The following ROBO2 variants were observed in gnomAD, a reference collection of about 807,000 sequenced individuals.
ROBO2 encodes roundabout guidance receptor 2.
Under a neutral mutation model 160.8 loss-of-function variants are expected in ROBO2, and 53 were observed. That is an observed-to-expected ratio of 0.33 (90% CI 0.26 to 0.41). The LOEUF (loss-of-function observed/expected upper bound fraction) is 0.41. ROBO2 is among the 10% of genes least tolerant of loss of function. ROBO2 has a pLI of 1.00. For missense variants in ROBO2, 1,577 were observed against 1,722.4 expected, an observed-to-expected ratio of 0.92 and a Z score of 1.49; for synonymous variants, 664 against 611.7, an observed-to-expected ratio of 1.09 and a Z score of -1.26.
chr3:77,445,156 G>C (rs779624952), intron 2 of ROBO2, among the ~76,000 whole-genome samples: 9 of 152,290 alleles, frequency 5.9e-5, no homozygotes, highest in Non-Finnish European at 1.2e-4. Flanking sequence ...TTAAGAAGAT[G>C]AAGACAGGAG....
At chr3:76,129,526 CA>C (rs1457960834) in intron 2 of ROBO2, among the ~76,000 whole-genome samples, 2 of 152,018 alleles carry the variant, frequency 1.3e-5, no homozygotes, top group African/African-American at 4.8e-5. Flanking sequence ...AGTGTTTTCC[CA>C]TATGTAACTC....
At chr3:77,428,135 A>G (rs1439783438) in intron 2 of ROBO2, among the ~76,000 whole-genome samples, 1 of 152,028 alleles carries the variant, frequency 6.6e-6, no homozygotes, top group Non-Finnish European at 1.5e-5. Context: ...TGAAATTTTT[A>G]TGCTTTTTAA....
At chr3:76,287,252 A>G (rs1214649767) in intron 2 of ROBO2, among the ~76,000 whole-genome samples, 1 of 151,740 alleles carries the variant, frequency 6.6e-6, no homozygotes, top group Non-Finnish European at 1.5e-5. Flanking sequence ...GAGAACTCAT[A>G]AGACACATTT....
At chr3:76,024,294 T>C (rs1014450338) in intron 2 of ROBO2, among the ~76,000 whole-genome samples, 11 of 151,640 alleles carry the variant, frequency 7.3e-5, no homozygotes, top group Admixed American at 7.3e-4. Flanking sequence ...ATGAAGGAGA[T>C]GAAATTTGGC....
At position 77,208,225 on chromosome 3, in the gene ROBO2, C is replaced by G. The variant is rs923845694; in HGVS notation, c.388+109885C>G. 8.9e-4 allele frequency among the ~76,000 whole-genome samples: 135 copies of G among 152,142 alleles called. 1 individual carries two copies. Among genetic ancestry groups the G allele is most frequent in the African/African-American group, 3.0e-3 (126 of 41,410 alleles). On this transcript the variant is annotated intron_variant, in intron 2 of 25. Transcript: ENST00000461745. Reference sequence around the variant, plus strand: ...TTAAAAAAGTACCTCACCTGGAACTCAAAGCTCCCTAAGAATTTAAAAGTT... The same window carrying G: ...TTAAAAAAGTACCTCACCTGGAACTGAAAGCTCCCTAAGAATTTAAAAGTT...
At chr3:77,073,993 C>G (rs1475609290) in intron 1 of ROBO2, among the ~76,000 whole-genome samples, 1 of 152,132 alleles carries the variant, frequency 6.6e-6, no homozygotes, top group Non-Finnish European at 1.5e-5. Flanking sequence ...TTTTGATAAA[C>G]ATTTTGGTTA....
rs115721393 is a variant in ROBO2 at position 77,489,075 on chromosome 3, T to C, written c.668-4169T>C. On this transcript the variant is annotated intron_variant, in intron 4 of 25. Transcript: ENST00000461745. ...GTTTAGAGATAATTGTTAGAAAGGG[T>C]GCTATGGAAATTCTCAGAATAATAC... 4.9e-3 allele frequency among the ~76,000 whole-genome samples: 739 copies of C among 152,074 alleles called. 2 individuals are homozygous for C. Among genetic ancestry groups the C allele is most frequent in the African/African-American group, 0.017 (701 of 41,496 alleles).
chr3:76,021,403 T>C (rs759151086), intron 2 of ROBO2, among the ~76,000 whole-genome samples: 4 of 151,808 alleles, frequency 2.6e-5, no homozygotes, highest in Non-Finnish European at 2.9e-5. Context: ...CCCAAACATG[T>C]GTTTTCATTT....
intron 5 of ROBO2, among the ~76,000 whole-genome samples, chr3:77,518,432 C>T (rs1657000837): frequency 6.6e-6 from 1 of 151,494 alleles, no homozygotes; most frequent in South Asian, 2.1e-4. Flanking sequence ...AGATTGTGAG[C>T]ATTTCAATAA....
chr3:77,643,449 A>G (rs1387019622), intron 24 of ROBO2, among the ~76,000 whole-genome samples: 1 of 152,178 alleles, frequency 6.6e-6, no homozygotes, highest in East Asian at 1.9e-4. Flanking sequence ...TCCAACTGTT[A>G]ATCAGTTGAT....
intron 2 of ROBO2, among the ~76,000 whole-genome samples, chr3:76,810,392 T>C (rs1184519938): frequency 1.3e-5 from 2 of 151,942 alleles, no homozygotes; most frequent in Non-Finnish European, 2.9e-5. Context: ...CAATATTGAA[T>C]TCTGGGTGAA....
intron 2 of ROBO2, among the ~76,000 whole-genome samples, chr3:77,214,898 A>G (rs1444553364): frequency 6.6e-6 from 1 of 152,138 alleles, no homozygotes; most frequent in African/African-American, 2.4e-5. Flanking sequence ...AAGAATGTTG[A>G]ATATTGGCCC....
At chr3:76,737,191 C>G (rs374407519) in intron 2 of ROBO2, among the ~76,000 whole-genome samples, 135 of 152,020 alleles carry the variant, frequency 8.9e-4, no homozygotes, top group African/African-American at 3.2e-3. Flanking sequence ...CTAGATAAAA[C>G]TTTTGTATGA....
At chr3:77,558,182 A>C (rs17525412) in intron 9 of ROBO2, 33 bp downstream of exon 10, 2 of 1,557,510 alleles carry the variant, frequency 1.3e-6, no homozygotes, top group African/African-American at 2.7e-5. Flanking sequence ...ATGAATTATC[A>C]TCTACACATA....
intron 2 of ROBO2, among the ~76,000 whole-genome samples, chr3:77,396,172 A>G (rs2075267861): frequency 6.6e-6 from 1 of 151,964 alleles, no homozygotes; most frequent in East Asian, 1.9e-4. Flanking sequence ...CCTGCTTTCT[A>G]GGTTACTATT....
At chr3:77,133,249 G>A (rs932242504) in intron 2 of ROBO2, among the ~76,000 whole-genome samples, 1 of 152,040 alleles carries the variant, frequency 6.6e-6, no homozygotes, top group Non-Finnish European at 1.5e-5. Flanking sequence ...CCATTTTTTT[G>A]TCAGGTAATA....
At chr3:77,328,256 A>C (rs1403371964) in intron 2 of ROBO2, among the ~76,000 whole-genome samples, 2 of 151,732 alleles carry the variant, frequency 1.3e-5, no homozygotes, top group Non-Finnish European at 2.9e-5. Context: ...ACAGTACATT[A>C]CTGTAAGTCC....
intron 2 of ROBO2, among the ~76,000 whole-genome samples, chr3:76,158,330 A>C (rs2072488768): frequency 6.6e-6 from 1 of 152,062 alleles, no homozygotes; most frequent in African/African-American, 2.4e-5. Flanking sequence ...AGAGTCAGGA[A>C]AATCCTCTCT....
In ROBO2 at chr3:77,480,611, T is replaced by A. The variant is rs377222282; in HGVS notation, c.547-488T>A. ...TAATATTAACAGTTGAAATGTGAAT[T>A]CTAGGGAGGCAAAGATTTTTACCGT... is the stretch of plus-strand genomic sequence containing the variant. On this transcript the variant is annotated intron_variant, in intron 3 of 25. Transcript: ENST00000461745. Among the ~76,000 whole-genome samples the A allele has an allele frequency of 6.6e-5, 10 of 152,264 alleles. No homozygotes were observed. The East Asian group carries it at 1.4e-3, about 21-fold the overall frequency.
Sources: allele counts gnomAD v4.1 joint callset (sites outside exome capture counted in the v4.1 genomes callset), GRCh38; gene constraint gnomAD v4.1.1; transcripts MANE v1.5; gene names NCBI Gene and HGNC (gene_info 2026-07-23, HGNC 2026-07-21).